The following AJAP1 variants were observed in gnomAD, a reference collection of about 807,000 sequenced individuals.
AJAP1 encodes the protein adherens junctions associated protein 1.
AJAP1 carries 5 observed loss-of-function variants against 35.0 expected under a neutral mutation model. That is an observed-to-expected ratio of 0.14 (90% CI 0.07 to 0.30). The LOEUF is 0.30. Among genes scored for constraint, AJAP1 ranks in the 10% least tolerant of loss-of-function variants. The pLI is 1.00. For missense variants in AJAP1, 586 were observed against 571.0 expected (o/e 1.03, Z -0.27); for synonymous variants, 284 against 249.3 (o/e 1.14, Z -1.31).
intron 2 of AJAP1, among the ~76,000 whole-genome samples, chr1:4,721,410 C>G (rs1266968628): frequency 2.0e-5 from 3 of 152,160 alleles, no homozygotes. Flanking sequence ...GATTCCTGGT[C>G]TTCTTGACCC....
At chr1:4,684,675 G>T (rs921913724) in intron 1 of AJAP1, among the ~76,000 whole-genome samples, 9 of 152,126 alleles carry the variant, frequency 5.9e-5, no homozygotes, top group African/African-American at 2.2e-4. Flanking sequence ...CATCATTCAA[G>T]ACAGACATCT....
At chr1:4,676,122 A>T (rs1357175126) in intron 1 of AJAP1, among the ~76,000 whole-genome samples, 1 of 152,032 alleles carries the variant, frequency 6.6e-6, no homozygotes, top group African/African-American at 2.4e-5. Context: ...TTGGGAGAGG[A>T]TCCCCGGCGA....
intron 1 of AJAP1, among the ~76,000 whole-genome samples, chr1:4,708,290 G>A (rs1640146137): frequency 6.6e-6 from 1 of 152,100 alleles, no homozygotes; most frequent in Non-Finnish European, 1.5e-5. Context: ...TAAGGGGCCT[G>A]TGGATGCTTG....
intron 1 of AJAP1, among the ~76,000 whole-genome samples, chr1:4,669,119 C>T (rs1009181823): frequency 3.9e-5 from 6 of 152,176 alleles, no homozygotes; most frequent in Admixed American, 1.3e-4. Flanking sequence ...AGTGACATTT[C>T]GTGTGTTCAC....
At chr1:4,678,129 C>G (rs1466551373) in intron 1 of AJAP1, among the ~76,000 whole-genome samples, 1 of 152,184 alleles carries the variant, frequency 6.6e-6, no homozygotes, top group Non-Finnish European at 1.5e-5. Flanking sequence ...TGTTGAATTA[C>G]CATCTCCCTT....
At chr1:4,771,376 G>A (rs944503631) in intron 3 of AJAP1, among the ~76,000 whole-genome samples, 2 of 152,170 alleles carry the variant, frequency 1.3e-5, no homozygotes, top group Admixed American at 6.5e-5. Context: ...AGAAGGAGAC[G>A]GGCGCATCCC....
In AJAP1 at chr1:4,784,552, T is replaced by A. The variant is rs1642129856; in HGVS notation, c.*2067T>A. 2.0e-5 allele frequency: 3 copies of A among 152,244 alleles called. No homozygotes were observed. In the South Asian group the frequency reaches 6.2e-4, roughly 32 times the overall value. 9.4% of individuals were successfully genotyped at this position (152,244 alleles called of 1,614,324 possible). ...AGTCTCCCTCTAAAACACCTTGTGATATGCTTCAGAAGTTCACTTTTGTAT... is the reference window on the plus strand; with the variant it reads ...AGTCTCCCTCTAAAACACCTTGTGAAATGCTTCAGAAGTTCACTTTTGTAT... On this transcript the variant is annotated 3_prime_UTR_variant, in exon 6 of 6. Coordinates refer to ENST00000378191, the MANE Select transcript of AJAP1 (RefSeq NM_018836.4).
intron 1 of AJAP1, among the ~76,000 whole-genome samples, chr1:4,662,068 C>CTG (rs1330711993): frequency 1.6e-5 from 2 of 124,276 alleles, no homozygotes; most frequent in African/African-American, 6.0e-5. Context: ...GTGTGTGTGT[C>CTG]TGTGTGTGTG....
chr1:4,713,899 A>G (rs987840160), intron 2 of AJAP1, among the ~76,000 whole-genome samples: 3 of 152,220 alleles, frequency 2.0e-5, no homozygotes, highest in African/African-American at 7.2e-5. Flanking sequence ...GGGAGGGAAG[A>G]GAACTGCTCT....
At chr1:4,717,760 A>G (rs1421858849) in intron 2 of AJAP1, among the ~76,000 whole-genome samples, 1 of 152,198 alleles carries the variant, frequency 6.6e-6, no homozygotes, top group Non-Finnish European at 1.5e-5. Context: ...AAGCCTCATG[A>G]TGGTGAACTA....
At chr1:4,755,932 T>G (rs193278365) in intron 2 of AJAP1, among the ~76,000 whole-genome samples, 1 of 151,980 alleles carries the variant, frequency 6.6e-6, no homozygotes, top group Non-Finnish European at 1.5e-5. Context: ...AGACGTCACC[T>G]GGGGAAGGGT....
chr1:4,660,846 A>G (rs569404252), intron 1 of AJAP1, among the ~76,000 whole-genome samples: 4 of 152,332 alleles, frequency 2.6e-5, no homozygotes, highest in Non-Finnish European at 5.9e-5. Context: ...GGTGACAGTA[A>G]TAAATGACTT....
chr1:4,714,045 G>A (rs1239008784), intron 2 of AJAP1, among the ~76,000 whole-genome samples: 2 of 152,214 alleles, frequency 1.3e-5, no homozygotes, highest in East Asian at 1.9e-4. Flanking sequence ...TCATGGGGTG[G>A]GTGGCTTTTG....
chr1:4,749,713 G>C lies in AJAP1; in HGVS notation c.830-20140G>C, dbSNP rs920852335. The stretch of plus-strand genomic sequence containing the variant: ...AGGGGCAGCGGCCCTGTGTACCAGA[G>C]GCCTTGCATCCAGGCAGGTGTTTCA... On this transcript the variant is annotated intron_variant, in intron 2 of 5. Transcript: ENST00000378191. Among the ~76,000 whole-genome samples, 3 of 152,372 alleles carry C rather than the reference G, an allele frequency of 2.0e-5. No homozygotes were observed. In the East Asian group the frequency reaches 5.8e-4, roughly 29 times the overall value.
At position 4,693,085 on chromosome 1, in the gene AJAP1, C is replaced by A. The variant is rs1043332761; in HGVS notation, c.30-18815C>A. On this transcript the variant is annotated intron_variant, in intron 1 of 5. Coordinates refer to ENST00000378191, the MANE Select transcript of AJAP1 (RefSeq NM_018836.4). The surrounding 1 kb of genome is among the most constrained non-coding windows in gnomAD (Gnocchi z 4.4). ...TGCTTTACAGTTTCCTGGAAGCCACCCTTCCCTCACCATGGCCCAGGGAGG... is the reference window on the plus strand; with the variant it reads ...TGCTTTACAGTTTCCTGGAAGCCACACTTCCCTCACCATGGCCCAGGGAGG... 4.6e-5 allele frequency among the ~76,000 whole-genome samples: 7 copies of A among 152,130 alleles called. No individual in the cohort carries two copies. The highest frequency in any genetic ancestry group is 8.8e-5 in the Non-Finnish European group (6 of 68,020).
At chr1:4,669,575 A>G (rs757742902) in intron 1 of AJAP1, among the ~76,000 whole-genome samples, 1 of 152,182 alleles carries the variant, frequency 6.6e-6, no homozygotes, top group Admixed American at 6.5e-5. Context: ...CCATGATCCA[A>G]TGACCTCCAC....
chr1:4,672,287 A>G (rs1231956872), intron 1 of AJAP1, among the ~76,000 whole-genome samples: 3 of 152,196 alleles, frequency 2.0e-5, no homozygotes, highest in African/African-American at 7.2e-5. Context: ...ATATCAGACA[A>G]AAATGAAACA....
intron 2 of AJAP1, among the ~76,000 whole-genome samples, chr1:4,742,274 G>T (rs1407730291): frequency 2.0e-5 from 3 of 152,178 alleles, no homozygotes; most frequent in African/African-American, 7.2e-5. Context: ...CTCCTGCGCT[G>T]CCTGATTGGA....
chr1:4,682,717 A>C (rs778784507), intron 1 of AJAP1, among the ~76,000 whole-genome samples: 2 of 150,900 alleles, frequency 1.3e-5, no homozygotes, highest in African/African-American at 4.9e-5. Flanking sequence ...TAATGATGAT[A>C]ATGATGATAG....
Sources: gnomAD v4.1 joint callset for allele counts (sites outside exome capture counted in the v4.1 genomes callset) on GRCh38, gnomAD v4.1.1 for gene constraint, Gnocchi (gnomAD v3.1) non-coding constraint, MANE v1.5 for transcripts, NCBI Gene and HGNC (gene_info 2026-07-23, HGNC 2026-07-21) for gene names.